The following KCNC2 variants were observed in gnomAD, a reference collection of about 807,000 sequenced individuals.
KCNC2 encodes potassium voltage-gated channel subfamily C member 2.
Under a neutral mutation model 44.5 loss-of-function variants are expected in KCNC2, and 21 were observed. The observed-to-expected ratio is 0.47, with a 90% CI of 0.33 to 0.68. KCNC2 has a LOEUF of 0.68. Among genes scored for constraint, KCNC2 ranks in the 30% least tolerant of loss-of-function variants. The pLI, the probability that KCNC2 is intolerant of heterozygous loss-of-function variation, is 0.01. For synonymous variants in KCNC2, 391 were observed against 339.1 expected, an observed-to-expected ratio of 1.15 and a Z score of -1.68; for missense variants, 589 against 826.2, an observed-to-expected ratio of 0.71 and a Z score of 3.52.
At chr12:75,204,396 A>G (rs1026590779) in intron 2 of KCNC2, among the ~76,000 whole-genome samples, 7 of 152,094 alleles carry the variant, frequency 4.6e-5, no homozygotes, top group Non-Finnish European at 1.0e-4. Context: ...TTAAATCACA[A>G]AAATTACAAA....
chr12:75,127,676 C>G (rs1888530481), intron 2 of KCNC2, among the ~76,000 whole-genome samples: 1 of 152,078 alleles, frequency 6.6e-6, no homozygotes, highest in Non-Finnish European at 1.5e-5. Flanking sequence ...GAAAGAGACA[C>G]AAAATGTGTC....
intron 2 of KCNC2, among the ~76,000 whole-genome samples, chr12:75,051,802 A>C (rs1592761652): frequency 6.6e-6 from 1 of 152,130 alleles, no homozygotes; most frequent in Admixed American, 6.6e-5. Context: ...TCATATATAA[A>C]ATGTTCTGGA....
chr12:75,135,396 T>C (rs1039670744), intron 2 of KCNC2, among the ~76,000 whole-genome samples: 1 of 152,078 alleles, frequency 6.6e-6, no homozygotes, highest in African/African-American at 2.4e-5. Flanking sequence ...TTCAAATACA[T>C]ACTGCATGCA....
chr12:75,133,446 A>G (rs1441893205), intron 2 of KCNC2, among the ~76,000 whole-genome samples: 1 of 150,214 alleles, frequency 6.7e-6, no homozygotes, highest in Admixed American at 6.6e-5. Flanking sequence ...AATACTACAG[A>G]ACTGAAAAAA....
intron 2 of KCNC2, among the ~76,000 whole-genome samples, chr12:75,137,405 T>A (rs1377197682): frequency 6.6e-6 from 1 of 152,166 alleles, no homozygotes; most frequent in Non-Finnish European, 1.5e-5. Context: ...TATGAACAGC[T>A]GCAAATACTG....
intron 2 of KCNC2, among the ~76,000 whole-genome samples, chr12:75,115,855 T>C (rs1057206914): frequency 2.0e-5 from 3 of 152,114 alleles, no homozygotes; most frequent in African/African-American, 7.2e-5. Flanking sequence ...ATAATGAATA[T>C]AATTACAATA....
At chr12:75,102,893 A>C (rs1886487955) in intron 2 of KCNC2, among the ~76,000 whole-genome samples, 1 of 152,090 alleles carries the variant, frequency 6.6e-6, no homozygotes, top group Non-Finnish European at 1.5e-5. Context: ...AATTTGTTTT[A>C]TATAGCATTG....
intron 2 of KCNC2, among the ~76,000 whole-genome samples, chr12:75,070,034 A>G (rs540850604): frequency 6.6e-6 from 1 of 152,330 alleles, no homozygotes; most frequent in East Asian, 1.9e-4. Context: ...TTACTTGTGC[A>G]TAGAAATGTG....
intron 2 of KCNC2, among the ~76,000 whole-genome samples, chr12:75,125,322 G>GA (rs59473865): frequency 0.63 from 95,213 of 152,102 alleles, 32,333 homozygotes; most frequent in African/African-American, 0.9. Context: ...TACAGATTTT[G>GA]AAAATAATCT....
intron 2 of KCNC2, among the ~76,000 whole-genome samples, chr12:75,166,221 T>C (rs1891440871): frequency 6.6e-6 from 1 of 151,110 alleles, no homozygotes; most frequent in Admixed American, 6.6e-5. Flanking sequence ...TAATTTTATA[T>C]ATCTAGTGCA....
intron 2 of KCNC2, among the ~76,000 whole-genome samples, chr12:75,158,361 T>C (rs1890896994): frequency 6.6e-6 from 1 of 151,902 alleles, no homozygotes; most frequent in Non-Finnish European, 1.5e-5. Context: ...AATTAAACCA[T>C]ACATATATTT....
At chr12:75,078,285 C>T (rs1195903991) in intron 2 of KCNC2, among the ~76,000 whole-genome samples, 2 of 152,088 alleles carry the variant, frequency 1.3e-5, no homozygotes, top group East Asian at 3.9e-4. Flanking sequence ...CCCGGTGGGA[C>T]GGCACTGTGT....
chr12:75,043,861 A>G (rs754639485), intron 4 of KCNC2: 2 of 1,112,340 alleles, frequency 1.8e-6, no homozygotes, highest in South Asian at 1.6e-5. Flanking sequence ...AATGAAATAT[A>G]AATTAAGTCA....
At chr12:75,177,740 G>T (rs866892341) in intron 2 of KCNC2, among the ~76,000 whole-genome samples, 3 of 151,812 alleles carry the variant, frequency 2.0e-5, no homozygotes, top group Non-Finnish European at 4.4e-5. Context: ...TGGATTCTTG[G>T]CCTAAAATTT....
intron 2 of KCNC2, among the ~76,000 whole-genome samples, chr12:75,065,635 G>C (rs552499048): frequency 1.3e-5 from 2 of 152,062 alleles, no homozygotes; most frequent in East Asian, 3.9e-4. Flanking sequence ...ACAATAACAT[G>C]TTGTACAGGT....
chr12:75,132,926 A>T (rs953804774), intron 2 of KCNC2, among the ~76,000 whole-genome samples: 1 of 152,044 alleles, frequency 6.6e-6, no homozygotes, highest in Non-Finnish European at 1.5e-5. Context: ...GCTTTCATTC[A>T]TTCCTTACTG....
At chr12:75,086,646 G>T (rs1266525029) in intron 2 of KCNC2, among the ~76,000 whole-genome samples, 2 of 99,342 alleles carry the variant, frequency 2.0e-5, no homozygotes, top group South Asian at 3.7e-4. Flanking sequence ...CCCATAAAAA[G>T]CAAGTTCATT....
intron 2 of KCNC2, among the ~76,000 whole-genome samples, chr12:75,084,360 G>C (rs1325815167): frequency 6.6e-6 from 1 of 151,036 alleles, no homozygotes; most frequent in Non-Finnish European, 1.5e-5. Flanking sequence ...AGTATGGTTT[G>C]GCTGTGTCCC....
intron 2 of KCNC2, among the ~76,000 whole-genome samples, chr12:75,134,233 TA>T (rs929892048): frequency 7.2e-5 from 11 of 151,776 alleles, no homozygotes; most frequent in Admixed American, 2.0e-4. Context: ...TAAAAAAAGT[TA>T]AAAAAATTAA....
Sources: allele counts gnomAD v4.1 joint callset (sites outside exome capture counted in the v4.1 genomes callset), GRCh38; gene constraint gnomAD v4.1.1; transcripts MANE v1.5; gene names NCBI Gene and HGNC (gene_info 2026-07-23, HGNC 2026-07-21).